The following PLCE1 variants were observed in gnomAD, a reference collection of about 807,000 sequenced individuals.
The protein encoded by PLCE1 is 1-phosphatidylinositol 4,5-bisphosphate phosphodiesterase epsilon-1.
In PLCE1, 119 loss-of-function variants were observed where a neutral mutation model predicts 242.8. That is an observed-to-expected ratio of 0.49 (90% confidence interval 0.42 to 0.57). PLCE1 has a LOEUF of 0.57. PLCE1 is among the 20% of genes least tolerant of loss of function. The pLI, the probability that PLCE1 is intolerant of heterozygous loss-of-function variation, is 0.00. For synonymous variants in PLCE1, 945 were observed against 1,017.4 expected, an observed-to-expected ratio of 0.93 and a Z score of 1.35; for missense variants, 2,441 against 2,788.8, an observed-to-expected ratio of 0.88 and a Z score of 2.81.
chr10:94,264,857 G>A (rs192502509), intron 14 of PLCE1, among the ~76,000 whole-genome samples: 1 of 152,092 alleles, frequency 6.6e-6, no homozygotes, highest in Non-Finnish European at 1.5e-5. Flanking sequence ...GCCACGCATG[G>A]TGGCACAAAC....
At chr10:94,206,696 C>G (rs1295986835) in intron 4 of PLCE1, among the ~76,000 whole-genome samples, 2 of 152,174 alleles carry the variant, frequency 1.3e-5, no homozygotes, top group East Asian at 3.9e-4. Flanking sequence ...TTGTTTAGAG[C>G]TTGAGGGGTT....
chr10:94,179,725 C>T (rs2048248656), intron 4 of PLCE1, among the ~76,000 whole-genome samples: 1 of 151,556 alleles, frequency 6.6e-6, no homozygotes, highest in Admixed American at 6.6e-5. Flanking sequence ...AGGCTGGCCT[C>T]AAACTCCTGA....
rs201457945 is a variant in PLCE1 at position 94,246,073 on chromosome 10, G to A, written c.2548G>A (p.Val850Met). Residue 850 changes from valine (V) to methionine (M), a missense_variant, in exon 8 of 33, where the codon GTG becomes ATG. By Grantham distance (21) the Val-to-Met change is conservative. Around this residue, in one of 5 missense-constraint regions of PLCE1, gnomAD observed 733 missense variants for 754.2 expected, o/e 0.97. Transcript: ENST00000371380. ...DHGTELIPWY[V>M]LSIQADVHQF... ...TGGGACGGAGCTCATCCCTTGGTAC[G>A]TGCTGTCCATCCAAGCCGATGTGCA... 31 of 1,614,108 alleles carry A rather than the reference G, an allele frequency of 1.9e-5. No homozygotes were observed. The highest frequency in any genetic ancestry group is 1.4e-4 in the South Asian group (13 of 91,080).
Position 94,246,290 on chromosome 10 carries a change from T to C in PLCE1, c.2765T>C (p.Leu922Pro). The change falls in exon 8 of 33, where the codon CTA (leucine) becomes CCA (proline). Residue 922 changes from leucine (L) to proline (P), a missense_variant. Coordinates refer to ENST00000371380, the MANE Select transcript of PLCE1 (RefSeq NM_016341.4). ...ACAGCTGAGCCTGGAAAATTCCCAC[T>C]ACTGGGTAATGCTGGATTAAGTAGC... ...NNTAEPGKFP[L>P]LGNAGLSSLT... 6.2e-7 allele frequency: 1 copy of C among 1,614,196 alleles called. No homozygotes were observed. Among genetic ancestry groups the C allele is most frequent in the Non-Finnish European group, 8.5e-7 (1 of 1,180,012 alleles).
chr10:94,093,133 C>T (rs2045142933), intron 2 of PLCE1, among the ~76,000 whole-genome samples: 1 of 152,190 alleles, frequency 6.6e-6, no homozygotes, highest in Admixed American at 6.5e-5. Context: ...AAAAGCAACT[C>T]ATTTTTACTT....
At chr10:94,263,480 T>C (rs112396754) in intron 14 of PLCE1, among the ~76,000 whole-genome samples, 11,324 of 149,264 alleles carry the variant, frequency 0.076, 784 homozygotes, top group African/African-American at 0.2. Flanking sequence ...CACCACTGCA[T>C]TCCAGCCTCG....
At chr10:94,081,901 A>T (rs760921483) in intron 2 of PLCE1, 3 of 152,358 alleles carry the variant, frequency 2.0e-5, no homozygotes, top group African/African-American at 4.8e-5. Context: ...CTGCTTGTGC[A>T]GGCATGAAAT....
At position 94,031,813 on chromosome 10, in the gene PLCE1, G is replaced by A; in HGVS notation, c.767G>A (p.Cys256Tyr). 2 of 1,613,798 alleles carry A rather than the reference G, an allele frequency of 1.2e-6. No homozygotes were observed. Among genetic ancestry groups the A allele is most frequent in the South Asian group, 1.1e-5 (1 of 91,076 alleles). ...AATGAGCAGCTGCAGTGTGATCATT[G>A]TGACACCTTGAATGATAAATACTTT... ...NKNEQLQCDH[C>Y]DTLNDKYFCF... The change falls in exon 2 of 33, where the codon TGT becomes TAT. Residue 256 changes from cysteine to tyrosine, a missense_variant. Around this residue, in one of 5 missense-constraint regions of PLCE1, gnomAD observed 393 missense variants for 378.5 expected, o/e 1.04. Coordinates refer to ENST00000371380, the MANE Select transcript of PLCE1 (RefSeq NM_016341.4).
At chr10:94,272,943 G>A (rs890241595) in intron 18 of PLCE1, among the ~76,000 whole-genome samples, 1 of 151,980 alleles carries the variant, frequency 6.6e-6, no homozygotes, top group African/African-American at 2.4e-5. Context: ...GCTCACACCT[G>A]TAATCCTAGC....
chr10:94,238,302 T>C (rs1421917858), intron 7 of PLCE1, among the ~76,000 whole-genome samples: 1 of 152,094 alleles, frequency 6.6e-6, no homozygotes, highest in East Asian at 1.9e-4. Context: ...AGGAAGGGAA[T>C]TGGGTTGAAA....
chr10:94,163,844 T>G (rs942442485), intron 3 of PLCE1, among the ~76,000 whole-genome samples: 1 of 152,204 alleles, frequency 6.6e-6, no homozygotes, highest in Non-Finnish European at 1.5e-5. Flanking sequence ...TCTTTTAGGG[T>G]AGGCCTGGTG....
At chr10:94,039,019 A>G (rs1024008708) in intron 2 of PLCE1, among the ~76,000 whole-genome samples, 1 of 152,190 alleles carries the variant, frequency 6.6e-6, no homozygotes, top group African/African-American at 2.4e-5. Flanking sequence ...TTCACTTCGC[A>G]TAATCTTTTC....
At position 94,283,906 on chromosome 10, in the gene PLCE1, G is replaced by A; in HGVS notation, c.4912G>A (p.Gly1638Arg). Reference protein sequence around the residue: ...KKADNSACNKGKVYDMELGEE... With the variant: ...KKADNSACNKRKVYDMELGEE... Reference sequence around the variant, plus strand: ...AGCAGATAACTCTGCTTGCAACAAAGGAAAGGTGGGTGAACGGTTTCTGTT... The same window carrying A: ...AGCAGATAACTCTGCTTGCAACAAAAGAAAGGTGGGTGAACGGTTTCTGTT... Residue 1638 changes from glycine to arginine, a missense_variant, in exon 21 of 33, where the codon GGA (glycine) becomes AGA (arginine). By Grantham distance (125) the Gly-to-Arg change is moderately radical. Around this residue, in one of 5 missense-constraint regions of PLCE1, gnomAD observed 1,004 missense variants for 1,322.7 expected, o/e 0.76. Coordinates refer to ENST00000371380, the MANE Select transcript of PLCE1 (RefSeq NM_016341.4). 3.1e-6 allele frequency: 5 copies of A among 1,611,024 alleles called. No homozygotes were observed. Among genetic ancestry groups the A allele is most frequent in the Non-Finnish European group, 4.2e-6 (5 of 1,177,978 alleles).
intron 2 of PLCE1, among the ~76,000 whole-genome samples, chr10:94,043,768 T>C (rs555514274): frequency 7.2e-5 from 11 of 152,346 alleles, no homozygotes; most frequent in African/African-American, 2.4e-4. Context: ...AGTTCTCCTT[T>C]TGATGGCCAC....
chr10:94,227,188 G>A, intron 4 of PLCE1, 118 bp from the exon 5 acceptor site: 3 of 943,544 alleles, frequency 3.2e-6, no homozygotes, highest in South Asian at 1.4e-5. Flanking sequence ...GGACCTACAG[G>A]TCTTTCATTT....
chr10:94,162,908 T>C lies in PLCE1; in HGVS notation c.1493-8272T>C, dbSNP rs540609246. On this transcript the variant is annotated intron_variant, in intron 3 of 32. Coordinates refer to ENST00000371380, the MANE Select transcript of PLCE1 (RefSeq NM_016341.4). ...ATCTTTATTTCTGCCTTCATTTCATTATGTACCCAGTAGTCATTCAGGAGC... is the reference window on the plus strand; with the variant it reads ...ATCTTTATTTCTGCCTTCATTTCATCATGTACCCAGTAGTCATTCAGGAGC... Among the ~76,000 whole-genome samples the C allele has an allele frequency of 3.3e-5, 5 of 152,350 alleles. No homozygotes were observed. The East Asian group carries it at 9.6e-4, about 29-fold the overall frequency.
chr10:94,008,397 C>G (rs188302071), intron 1 of PLCE1, among the ~76,000 whole-genome samples: 1 of 152,178 alleles, frequency 6.6e-6, no homozygotes, highest in African/African-American at 2.4e-5. Flanking sequence ...CAACCTCCAC[C>G]TCCCTGGTTC....
At chr10:94,096,229 CT>C (rs1481941727) in intron 2 of PLCE1, among the ~76,000 whole-genome samples, 1 of 152,180 alleles carries the variant, frequency 6.6e-6, no homozygotes, top group South Asian at 2.1e-4. Flanking sequence ...TGCTAACACA[CT>C]CAAGACGAAG....
intron 23 of PLCE1, among the ~76,000 whole-genome samples, chr10:94,295,972 C>G (rs947454491): frequency 6.6e-6 from 1 of 152,192 alleles, no homozygotes; most frequent in African/African-American, 2.4e-5. Context: ...AGAGAGACAG[C>G]CTTTTCTTTG....
Sources: allele counts gnomAD v4.1 joint callset (sites outside exome capture counted in the v4.1 genomes callset), GRCh38; gene constraint gnomAD v4.1.1; regional missense constraint gnomAD v4.1.1; transcripts MANE v1.5; gene names NCBI Gene and HGNC (gene_info 2026-07-23, HGNC 2026-07-21).